The following DDX20 variants were observed in gnomAD, a reference collection of about 807,000 sequenced individuals.
DDX20 encodes the protein DEAD-box helicase 20.
Under a neutral mutation model 76.4 loss-of-function variants are expected in DDX20, and 61 were observed. That is an observed-to-expected ratio of 0.80 (90% CI 0.65 to 0.99). The LOEUF (loss-of-function observed/expected upper bound fraction) is 0.99, where lower values mean the gene tolerates loss of function less well. Ranked by LOEUF, DDX20 falls within the 50% of genes least tolerant of loss-of-function variation. The probability of loss-of-function intolerance (pLI) is 0.00; values close to 1 mark genes in which losing one functional copy is unlikely to be tolerated. For missense variants in DDX20, 976 were observed against 996.8 expected (o/e 0.98, Z 0.28); for synonymous variants, 357 against 357.4 (o/e 1.00, Z 0.01).
rs757781070 is a variant in DDX20 at position 111,765,824 on chromosome 1, T to A, written c.1400T>A (p.Val467Glu). Residue 467 changes from valine to glutamate, a missense_variant, in exon 11 of 11, where the codon GTA becomes GAA. Around this residue, in one of 3 missense-constraint regions of DDX20, gnomAD observed 630 missense variants for 693.7 expected, o/e 0.91. Transcript: ENST00000369702. ...GTGCATACATATGGTATAGCAAGTG[T>A]ACCTAACCAACCCTTAAAAAAGCAA... is the stretch of plus-strand genomic sequence containing the variant. The part of the protein sequence containing the change: ...AAVHTYGIAS[V>E]PNQPLKKQIQ... 1.9e-6 allele frequency: 3 copies of A among 1,614,030 alleles called. No homozygotes were observed. Among genetic ancestry groups the A allele is most frequent in the African/African-American group, 2.7e-5 (2 of 74,930 alleles).
At position 111,759,467 on chromosome 1, in the gene DDX20, T is replaced by A; in HGVS notation, c.464T>A (p.Ile155Lys). Residue 155 changes from isoleucine (I) to lysine (K), a missense_variant, in exon 3 of 11, where the codon ATA (isoleucine) becomes AAA (lysine). Around this residue, in one of 3 missense-constraint regions of DDX20, gnomAD observed 343 missense variants for 286.4 expected, o/e 1.20. Transcript: ENST00000369702. Reference sequence around the variant, plus strand: ...CATTCTGTTATTACAGCCATTGGAATAAAAATGGAAGGCTTAGAGTGTCAT... The same window carrying A: ...CATTCTGTTATTACAGCCATTGGAAAAAAAATGGAAGGCTTAGAGTGTCAT... ...QIHSVITAIG[I>K]KMEGLECHVF... 6.2e-7 allele frequency: 1 copy of A among 1,613,854 alleles called. No homozygotes were observed. Among genetic ancestry groups the A allele is most frequent in the Non-Finnish European group, 8.5e-7 (1 of 1,179,860 alleles).
intron 9 of DDX20, 33 bp downstream of exon 9, chr1:111,762,815 T>TAAGGGGAGG: frequency 6.3e-7 from 1 of 1,588,640 alleles, no homozygotes; most frequent in Middle Eastern, 1.7e-4. Flanking sequence ...GAGTGCTTTC[T>TAAGGGGAGG]TTAAGGGGAG....
At position 111,762,958 on chromosome 1, in the gene DDX20, G is replaced by A; in HGVS notation, c.1263G>A (p.Met421Ile). The A allele has an allele frequency of 6.2e-7, 1 of 1,603,162 alleles. No homozygotes were observed. Among genetic ancestry groups the A allele is most frequent in the South Asian group, 1.1e-5 (1 of 91,006 alleles). The change falls in exon 10 of 11, where the codon ATG becomes ATA. Residue 421 changes from methionine to isoleucine, a missense_variant. Physicochemically the swap from Met to Ile is conservative, Grantham distance 10. This residue lies in a region of DDX20 where 630 missense variants were observed against 693.7 expected (regional missense o/e 0.91). Transcript: ENST00000369702. The part of the protein sequence containing the change: ...TYCCRGEEEN[M>I]MMRIAQKCNI... ...GTTGCCGGGGAGAGGAAGAAAATAT[G>A]ATGATGAGAATTGCCCAGAAATGTA...
chr1:111,764,705 T>C (rs1411951416), intron 10 of DDX20, among the ~76,000 whole-genome samples: 1 of 152,216 alleles, frequency 6.6e-6, no homozygotes, highest in African/African-American at 2.4e-5. Context: ...CTTTGGATAC[T>C]GGAAAATGAT....
Position 111,765,888 on chromosome 1 carries a change from T to A in DDX20, c.1464T>A (p.Ala488=). The change falls in exon 11 of 11, where the codon GCT becomes GCA. Residue 488 remains alanine (A), a synonymous_variant. Coordinates refer to ENST00000369702, the MANE Select transcript of DDX20 (RefSeq NM_007204.5). ...AGAGAACCCTTCAAATTCAGAAAGC[T>A]CATGGTGACCACATGGCTTCCTCTA... ...KIERTLQIQK[A]HGDHMASSRN... is the part of the protein sequence containing the mutation. 6.2e-7 allele frequency: 1 copy of A among 1,614,148 alleles called. No individual in the cohort carries two copies. The highest frequency in any genetic ancestry group is 8.5e-7 in the Non-Finnish European group (1 of 1,180,014).
At chr1:111,764,968 C>T (rs181574104) in intron 10 of DDX20, among the ~76,000 whole-genome samples, 13 of 152,236 alleles carry the variant, frequency 8.5e-5, no homozygotes, top group Admixed American at 3.3e-4. Context: ...TTGAAGTATC[C>T]AGACCTGTGG....
chr1:111,760,600 A>T lies in DDX20; in HGVS notation c.680+12A>T. 6.2e-7 allele frequency: 1 copy of T among 1,603,848 alleles called. No homozygotes were observed. The highest frequency in any genetic ancestry group is 8.5e-7 in the Non-Finnish European group (1 of 1,175,834). On this transcript the variant is annotated intron_variant, in intron 4 of 10. Coordinates refer to ENST00000369702, the MANE Select transcript of DDX20 (RefSeq NM_007204.5). ...CAGGAGCAAATAAAGTAAGAAAAAT[A>T]ACTAACTTGACTATTAAAACAGTGT...
Position 111,756,027 on chromosome 1 carries a change from G to A in DDX20, c.103G>A (p.Gly35Arg), listed in dbSNP as rs758620133. 18 of 1,609,126 alleles carry A rather than the reference G, an allele frequency of 1.1e-5. 1 individual carries two copies. The African/African-American group carries it at 1.6e-4, about 14-fold the overall frequency. Residue 35 changes from glycine to arginine, a missense_variant, in exon 1 of 11, where the codon GGG becomes AGG. Coordinates refer to ENST00000369702, the MANE Select transcript of DDX20 (RefSeq NM_007204.5). ...GGTCCCGGCCCCAGAGCCAACACCC[G>A]GGCCTGTGAGGATCCTGCGGACCGC... ...VQVPAPEPTP[G>R]PVRILRTAQD...
intron 10 of DDX20, among the ~76,000 whole-genome samples, chr1:111,765,327 A>G (rs1454636959): frequency 6.6e-6 from 1 of 152,084 alleles, no homozygotes; most frequent in African/African-American, 2.4e-5. Context: ...TTGCAGTTGT[A>G]TTATTTCCTA....
At chr1:111,761,864 C>A (rs1296432758) in intron 7 of DDX20, 1 of 159,588 alleles carries the variant, frequency 6.3e-6, no homozygotes, top group African/African-American at 2.4e-5. Flanking sequence ...TCACGAGATA[C>A]TGGGGAGACT....
chr1:111,757,887 A>T (rs936126419), intron 2 of DDX20, among the ~76,000 whole-genome samples: 2 of 83,496 alleles, frequency 2.4e-5, no homozygotes, highest in African/African-American at 5.1e-5. Context: ...ACCGAGTCTC[A>T]CTCTGTTGCC....
chr1:111,762,713 G>A lies in DDX20; in HGVS notation c.1141G>A (p.Val381Ile). Residue 381 changes from valine to isoleucine, a missense_variant, in exon 9 of 11, where the codon GTT becomes ATT. By Grantham distance (29) the Val-to-Ile change is conservative. Around this residue, in one of 3 missense-constraint regions of DDX20, gnomAD observed 630 missense variants for 693.7 expected, o/e 0.91. Transcript: ENST00000369702. ...GATTGATGCTGAGAAGGTGAATCTG[G>A]TTGTAAATCTGGATGTACCATTGGA... ...RGIDAEKVNL[V>I]VNLDVPLDWE... 2 of 1,613,676 alleles carry A rather than the reference G, an allele frequency of 1.2e-6. No homozygotes were observed. The highest frequency in any genetic ancestry group is 1.7e-6 in the Non-Finnish European group (2 of 1,179,918).
chr1:111,762,662 C>T lies in DDX20; in HGVS notation c.1105-15C>T. On this transcript the variant is annotated splice_polypyrimidine_tract_variant and intron_variant, in intron 8 of 10. Coordinates refer to ENST00000369702, the MANE Select transcript of DDX20 (RefSeq NM_007204.5). ...GTTAATGCAAACAAATAATTGCTATCTTCTTCAATTCAAGACTTCTCGTGG... is the reference window on the plus strand; with the variant it reads ...GTTAATGCAAACAAATAATTGCTATTTTCTTCAATTCAAGACTTCTCGTGG... 6.3e-7 allele frequency: 1 copy of T among 1,598,042 alleles called. No homozygotes were observed. Among genetic ancestry groups the T allele is most frequent in the Non-Finnish European group, 8.6e-7 (1 of 1,166,514 alleles).
chr1:111,765,986 A>G lies in DDX20; in HGVS notation c.1562A>G (p.His521Arg). 3 of 1,614,066 alleles carry G rather than the reference A, an allele frequency of 1.9e-6. No homozygotes were observed. Among genetic ancestry groups the G allele is most frequent in the East Asian group, 2.2e-5 (1 of 44,880 alleles). Reference protein sequence around the residue: ...NTKQKLPVKSHSECGIIEKAT... With the variant: ...NTKQKLPVKSRSECGIIEKAT... ...AAACAAAAGCTTCCTGTGAAAAGCC[A>G]CTCAGAATGTGGAATCATAGAAAAA... The change falls in exon 11 of 11, where the codon CAC (histidine) becomes CGC (arginine). Residue 521 changes from histidine (H) to arginine (R), a missense_variant. Around this residue, in one of 3 missense-constraint regions of DDX20, gnomAD observed 630 missense variants for 693.7 expected, o/e 0.91. Coordinates refer to ENST00000369702, the MANE Select transcript of DDX20 (RefSeq NM_007204.5).
In DDX20 at chr1:111,766,741, T is replaced by A. The variant is rs764303093; in HGVS notation, c.2317T>A (p.Tyr773Asn). Residue 773 changes from tyrosine (Y) to asparagine (N), a missense_variant, in exon 11 of 11, where the codon TAT becomes AAT. Tyr to Asn is a moderately radical substitution (Grantham distance 143). This residue lies in a region of DDX20 where 630 missense variants were observed against 693.7 expected (regional missense o/e 0.91). Transcript: ENST00000369702. ...RLSFSDTYQD[Y>N]EEYWRAYYRA... ...GAGTTTTTCTGATACCTATCAGGAT[T>A]ATGAGGAGTACTGGAGAGCTTACTA... 6.2e-7 allele frequency: 1 copy of A among 1,614,182 alleles called. No homozygotes were observed. The highest frequency in any genetic ancestry group is 8.5e-7 in the Non-Finnish European group (1 of 1,180,006).
In DDX20 at chr1:111,762,752, A is replaced by G. The variant is rs971869269; in HGVS notation, c.1180A>G (p.Met394Val). Residue 394 changes from methionine (M) to valine (V), a missense_variant, in exon 9 of 11, where the codon ATG (methionine) becomes GTG (valine). This residue lies in a region of DDX20 where 630 missense variants were observed against 693.7 expected (regional missense o/e 0.91). Coordinates refer to ENST00000369702, the MANE Select transcript of DDX20 (RefSeq NM_007204.5). ...TGTACCATTGGATTGGGAGACATAC[A>G]TGCATCGGATTGGGAGAGCTGGCCG... ...LDVPLDWETYMHRIGRAGRFG... is the reference protein window; with the variant it reads ...LDVPLDWETYVHRIGRAGRFG... 5.6e-6 allele frequency: 9 copies of G among 1,613,718 alleles called. No individual in the cohort carries two copies. Among genetic ancestry groups the G allele is most frequent in the Admixed American group, 1.7e-5 (1 of 59,988 alleles).
chr1:111,763,801 A>G (rs895860365), intron 10 of DDX20, among the ~76,000 whole-genome samples: 3 of 152,182 alleles, frequency 2.0e-5, no homozygotes, highest in Non-Finnish European at 4.4e-5. Context: ...TTTTGATTTC[A>G]GTTCAGTCAT....
chr1:111,761,236 T>G lies in DDX20; in HGVS notation c.973T>G (p.Leu325Val), dbSNP rs777249440. 1 of 1,613,422 alleles carries G rather than the reference T, an allele frequency of 6.2e-7. No individual in the cohort carries two copies. The highest frequency in any genetic ancestry group is 8.5e-7 in the Non-Finnish European group (1 of 1,179,642). Residue 325 changes from leucine to valine, a missense_variant, in exon 7 of 11, where the codon TTG becomes GTG. By Grantham distance (32) the Leu-to-Val change is conservative (BLOSUM62 1). This residue lies in a region of DDX20 where 630 missense variants were observed against 693.7 expected (regional missense o/e 0.91). Transcript: ENST00000369702. Reference sequence around the variant, plus strand: ...TGTTATATTTCATAGAGCACAACATTTGGCTGATATCCTTTCTTCTAAAGG... The same window carrying G: ...TGTTATATTTCATAGAGCACAACATGTGGCTGATATCCTTTCTTCTAAAGG... ...FSNLHSRAQH[L>V]ADILSSKGFP...
chr1:111,763,572 CAAA>C (rs372268470), intron 10 of DDX20, among the ~76,000 whole-genome samples: 2 of 98,782 alleles, frequency 2.0e-5, no homozygotes, highest in Non-Finnish European at 2.1e-5. Flanking sequence ...AACTCCGTCT[CAAA>C]AAAAAAAAAA....
Sources: allele counts gnomAD v4.1 joint callset (sites outside exome capture counted in the v4.1 genomes callset), GRCh38; gene constraint gnomAD v4.1.1; regional missense constraint gnomAD v4.1.1; transcripts MANE v1.5; gene names NCBI Gene and HGNC (gene_info 2026-07-23, HGNC 2026-07-21).